The following MARCHF1 variants were observed in gnomAD, a reference collection of about 807,000 sequenced individuals.
MARCHF1 encodes E3 ubiquitin-protein ligase MARCHF1.
In MARCHF1, 40 loss-of-function variants were observed where a neutral mutation model predicts 54.2. The observed-to-expected ratio is 0.74, with a 90% confidence interval of 0.57 to 0.96. The LOEUF is 0.96. MARCHF1 is among the 40% of genes least tolerant of loss of function. The pLI is 0.00. For synonymous variants in MARCHF1, 236 were observed against 236.3 expected, an observed-to-expected ratio of 1.00 and a Z score of 0.01; for missense variants, 586 against 656.5, an observed-to-expected ratio of 0.89 and a Z score of 1.17.
intron 1 of MARCHF1, among the ~76,000 whole-genome samples, chr4:164,304,371 C>T (rs1734643876): frequency 6.6e-6 from 1 of 152,192 alleles, no homozygotes; most frequent in Admixed American, 6.5e-5. Context: ...AGAGCTTTTA[C>T]ATTCACTACA....
At chr4:163,579,498 GT>G (rs760503151) in intron 8 of MARCHF1, among the ~76,000 whole-genome samples, 2 of 152,170 alleles carry the variant, frequency 1.3e-5, no homozygotes, top group Non-Finnish European at 2.9e-5. Flanking sequence ...GAATGAAGCA[GT>G]GAGAAAGTAA....
chr4:163,823,208 T>C (rs1190810925), intron 4 of MARCHF1, among the ~76,000 whole-genome samples: 1 of 151,810 alleles, frequency 6.6e-6, no homozygotes, highest in African/African-American at 2.4e-5. Context: ...AAACAATAGT[T>C]ATACAATTCT....
chr4:163,702,702 C>T (rs1371452446), intron 4 of MARCHF1, among the ~76,000 whole-genome samples: 7 of 152,196 alleles, frequency 4.6e-5, no homozygotes, highest in Admixed American at 4.6e-4. Context: ...CTACCAGCAT[C>T]TGCCAATCTA....
intron 3 of MARCHF1, among the ~76,000 whole-genome samples, chr4:163,981,017 T>C (rs1197570393): frequency 1.3e-5 from 2 of 152,208 alleles, no homozygotes; most frequent in Admixed American, 6.6e-5. Context: ...ATAATTACTA[T>C]AGAATCTGAC....
chr4:164,357,731 T>C (rs1322002929), intron 1 of MARCHF1, among the ~76,000 whole-genome samples: 1 of 152,162 alleles, frequency 6.6e-6, no homozygotes, highest in East Asian at 1.9e-4. Flanking sequence ...ATGAATATTA[T>C]TTTACAATGG....
chr4:163,945,164 A>T (rs1431671811), intron 3 of MARCHF1, among the ~76,000 whole-genome samples: 1 of 152,176 alleles, frequency 6.6e-6, no homozygotes, highest in Non-Finnish European at 1.5e-5. Flanking sequence ...CACACATGTT[A>T]TCTATTTCTT....
At chr4:163,979,678 C>A (rs1752721963) in intron 3 of MARCHF1, among the ~76,000 whole-genome samples, 1 of 152,072 alleles carries the variant, frequency 6.6e-6, no homozygotes, top group Admixed American at 6.5e-5. Flanking sequence ...TCCTCTCCAG[C>A]ACCTGTTGTT....
intron 4 of MARCHF1, among the ~76,000 whole-genome samples, chr4:163,800,035 C>A: frequency 6.6e-6 from 1 of 151,986 alleles, no homozygotes; most frequent in Non-Finnish European, 1.5e-5. Context: ...AATGCAGGAA[C>A]GGAAAACCAA....
intron 3 of MARCHF1, among the ~76,000 whole-genome samples, chr4:163,972,414 A>G (rs1335977145): frequency 6.6e-6 from 1 of 152,232 alleles, no homozygotes; most frequent in Non-Finnish European, 1.5e-5. Flanking sequence ...GAATGCTGCC[A>G]AAAGGATTTT....
intron 8 of MARCHF1, among the ~76,000 whole-genome samples, chr4:163,557,639 G>A (rs546877509): frequency 1.1e-4 from 16 of 152,302 alleles, no homozygotes; most frequent in Admixed American, 4.6e-4. Context: ...TCATTTAAAA[G>A]TTCTTTAATA....
intron 1 of MARCHF1, among the ~76,000 whole-genome samples, chr4:164,218,738 T>C (rs1732004268): frequency 6.7e-6 from 1 of 150,344 alleles, no homozygotes; most frequent in Non-Finnish European, 1.5e-5. Context: ...TTAGGAGATA[T>C]ATCTAATGTT....
At chr4:163,675,723 T>C (rs961137481) in intron 5 of MARCHF1, among the ~76,000 whole-genome samples, 2 of 152,170 alleles carry the variant, frequency 1.3e-5, no homozygotes, top group African/African-American at 4.8e-5. Context: ...TCTCCCTTTG[T>C]ATATCACATT....
chr4:164,113,964 G>A (rs897416738), intron 1 of MARCHF1, among the ~76,000 whole-genome samples: 6 of 151,870 alleles, frequency 4.0e-5, no homozygotes, highest in African/African-American at 7.2e-5. Context: ...ATTTATTAAA[G>A]CAAACTTCCA....
At chr4:164,011,871 CAG>C (rs1579459450) in intron 2 of MARCHF1, among the ~76,000 whole-genome samples, 1 of 152,252 alleles carries the variant, frequency 6.6e-6, no homozygotes, top group East Asian at 1.9e-4. Context: ...ACCCTAACTC[CAG>C]GCAGCACAGA....
intron 3 of MARCHF1, among the ~76,000 whole-genome samples, chr4:163,942,998 C>G (rs1751947114): frequency 6.7e-6 from 1 of 150,284 alleles, no homozygotes; most frequent in African/African-American, 2.4e-5. Context: ...TGTATGTCTT[C>G]TTTTGAAAAG....
At chr4:163,942,757 C>G (rs1225158050) in intron 3 of MARCHF1, among the ~76,000 whole-genome samples, 2 of 152,016 alleles carry the variant, frequency 1.3e-5, no homozygotes, top group Non-Finnish European at 2.9e-5. Context: ...CTCCCCCGAT[C>G]TTTTTAGGAC....
At chr4:163,833,956 G>C (rs1227576543) in intron 4 of MARCHF1, among the ~76,000 whole-genome samples, 2 of 152,134 alleles carry the variant, frequency 1.3e-5, no homozygotes, top group South Asian at 4.1e-4. Flanking sequence ...GAGCAGCAGT[G>C]CCAATGGAGA....
chr4:163,748,427 C>T (rs908912258), intron 4 of MARCHF1, among the ~76,000 whole-genome samples: 15 of 150,922 alleles, frequency 9.9e-5, no homozygotes, highest in Non-Finnish European at 2.1e-4. Flanking sequence ...AAAAAAAGAT[C>T]CCACAAGCTC....
intron 1 of MARCHF1, among the ~76,000 whole-genome samples, chr4:164,351,005 C>T (rs368811976): frequency 3.9e-5 from 6 of 152,060 alleles, no homozygotes; most frequent in South Asian, 2.1e-4. Context: ...GGGTGACGGA[C>T]GCACCTGGAA....
Sources: allele counts gnomAD v4.1 joint callset (sites outside exome capture counted in the v4.1 genomes callset), GRCh38; gene constraint gnomAD v4.1.1; transcripts MANE v1.5; gene names NCBI Gene and HGNC (gene_info 2026-07-23, HGNC 2026-07-21).